The following GPBP1L1 variants were observed in gnomAD, a reference collection of about 807,000 sequenced individuals.
GPBP1L1 encodes the protein vasculin-like protein 1.
A neutral mutation model predicts 52.5 loss-of-function variants in GPBP1L1; 23 were observed. The observed-to-expected ratio is 0.44, with a 90% CI of 0.32 to 0.62. GPBP1L1 has a LOEUF of 0.62. GPBP1L1 is among the 20% of genes least tolerant of loss of function. GPBP1L1 has a pLI of 0.06. For synonymous variants in GPBP1L1, 243 were observed against 203.1 expected, an observed-to-expected ratio of 1.20 and a Z score of -1.67; for missense variants, 596 against 579.3, an observed-to-expected ratio of 1.03 and a Z score of -0.30.
intron 2 of GPBP1L1, among the ~76,000 whole-genome samples, chr1:45,661,980 T>C (rs905123898): frequency 1.3e-5 from 2 of 152,212 alleles, no homozygotes; most frequent in Admixed American, 6.5e-5. Flanking sequence ...GCTAGGATCC[T>C]TGAGATATCT....
intron 2 of GPBP1L1, among the ~76,000 whole-genome samples, chr1:45,665,892 C>G (rs1229577982): frequency 3.9e-5 from 6 of 151,968 alleles, no homozygotes; most frequent in African/African-American, 1.5e-4. Context: ...CTCTTTCCAC[C>G]ATCTGCCTCA....
chr1:45,654,955 C>G (rs1644866976), intron 5 of GPBP1L1, 126 bp from the exon 6 acceptor site: 1 of 1,076,920 alleles, frequency 9.3e-7, no homozygotes, highest in Non-Finnish European at 1.3e-6. Flanking sequence ...AAAAATGTAT[C>G]TTTTCTTTGT....
At chr1:45,671,171 A>G (rs1242823109) in intron 2 of GPBP1L1, among the ~76,000 whole-genome samples, 2 of 146,656 alleles carry the variant, frequency 1.4e-5, no homozygotes, top group Non-Finnish European at 3.0e-5. Context: ...CCCTCATAAT[A>G]TACCTATAAA....
At chr1:45,672,410 T>C (rs1180089493) in intron 2 of GPBP1L1, among the ~76,000 whole-genome samples, 1 of 152,168 alleles carries the variant, frequency 6.6e-6, no homozygotes. Flanking sequence ...TATTGCATTA[T>C]TTCCTTTAAA....
chr1:45,672,232 G>A (rs544438642), intron 2 of GPBP1L1, among the ~76,000 whole-genome samples: 1 of 151,656 alleles, frequency 6.6e-6, no homozygotes, highest in Non-Finnish European at 1.5e-5. Flanking sequence ...ATGGTGGCCA[G>A]GCGCTTGTAG....
intron 2 of GPBP1L1, among the ~76,000 whole-genome samples, chr1:45,683,054 T>A (rs1346421943): frequency 7.4e-6 from 1 of 134,646 alleles, no homozygotes; most frequent in Non-Finnish European, 1.6e-5. Flanking sequence ...GCCTTTCCCA[T>A]TAGTTTTTTT....
chr1:45,642,989 G>C (rs1644693345), intron 6 of GPBP1L1, among the ~76,000 whole-genome samples: 1 of 152,230 alleles, frequency 6.6e-6, no homozygotes, highest in Middle Eastern at 3.4e-3. Flanking sequence ...CTTCACACGG[G>C]TCACAGTTTT....
At position 45,660,342 on chromosome 1, in the gene GPBP1L1, A is replaced by T. The variant is rs923579183; in HGVS notation, c.-214T>A. On this transcript the variant is annotated 5_prime_UTR_variant, in exon 3 of 13. Coordinates refer to ENST00000355105, the MANE Select transcript of GPBP1L1 (RefSeq NM_021639.5). ...CAGGTTCTGTGTCGATCACTCTCTCAGTCCCCTCAACTGCTCATCTTAAAC... is the reference window on the plus strand; with the variant it reads ...CAGGTTCTGTGTCGATCACTCTCTCTGTCCCCTCAACTGCTCATCTTAAAC... 2.0e-6 allele frequency: 2 copies of T among 985,222 alleles called. No individual in the cohort carries two copies. The highest frequency in any genetic ancestry group is 2.4e-6 in the Non-Finnish European group (2 of 829,904). The allele number at this position is 985,222 out of a possible 1,614,324, so 61.0% of individuals were successfully genotyped here.
rs574458384 is a variant in GPBP1L1, at chr1:45,648,630, C to T, written c.477+5913G>A. Reference sequence around the variant, plus strand: ...TTGGTGGTTTGTCCCTATCCCTTTACGGGTATGTGGGGAAATATCATTTTG... The same window carrying T: ...TTGGTGGTTTGTCCCTATCCCTTTATGGGTATGTGGGGAAATATCATTTTG... On this transcript the variant is annotated intron_variant, in intron 6 of 12. Transcript: ENST00000355105. Among the ~76,000 whole-genome samples, 21 of 152,280 alleles carry T rather than the reference C, an allele frequency of 1.4e-4. No individual in the cohort carries two copies. The East Asian group carries it at 2.7e-3, about 20-fold the overall frequency.
intron 2 of GPBP1L1, among the ~76,000 whole-genome samples, chr1:45,683,680 T>C (rs1482893234): frequency 6.7e-6 from 1 of 148,416 alleles, no homozygotes; most frequent in African/African-American, 2.5e-5. Context: ...TTCGAGACCA[T>C]TGCTTGAGTC....
chr1:45,664,239 G>A (rs1354882700), intron 2 of GPBP1L1, among the ~76,000 whole-genome samples: 2 of 152,140 alleles, frequency 1.3e-5, no homozygotes, highest in Non-Finnish European at 2.9e-5. Flanking sequence ...AGAATGGCGG[G>A]AACCCGGGAG....
At chr1:45,673,119 G>C (rs1427596631) in intron 2 of GPBP1L1, among the ~76,000 whole-genome samples, 5 of 152,180 alleles carry the variant, frequency 3.3e-5, no homozygotes, top group African/African-American at 1.2e-4. Context: ...ATATCCTTCA[G>C]CAGTTCAGAG....
intron 8 of GPBP1L1, among the ~76,000 whole-genome samples, chr1:45,637,683 T>G (rs1420459661): frequency 6.6e-6 from 1 of 152,152 alleles, no homozygotes; most frequent in Non-Finnish European, 1.5e-5. Context: ...ATTTTCTTAC[T>G]CATTTTTATA....
intron 2 of GPBP1L1, among the ~76,000 whole-genome samples, chr1:45,681,872 TTC>T (rs1469423503): frequency 6.6e-6 from 1 of 152,212 alleles, no homozygotes; most frequent in Non-Finnish European, 1.5e-5. Flanking sequence ...ACTATGCCAT[TTC>T]TCTGTGTGCT....
intron 2 of GPBP1L1, among the ~76,000 whole-genome samples, chr1:45,679,020 AT>A (rs539942850): frequency 2.0e-3 from 306 of 152,340 alleles, no homozygotes; most frequent in Middle Eastern, 6.8e-3. Flanking sequence ...GCATATCTAT[AT>A]AGTCTAATAT....
At chr1:45,629,778 T>C in intron 11 of GPBP1L1, 100 bp from the exon 12 acceptor site, 3 of 764,804 alleles carry the variant, frequency 3.9e-6, no homozygotes, top group Non-Finnish European at 6.8e-6. Context: ...CCAGGGGCAA[T>C]GGATGTTAAA....
intron 6 of GPBP1L1, among the ~76,000 whole-genome samples, chr1:45,643,014 T>C (rs1441884496): frequency 6.6e-6 from 1 of 152,140 alleles, no homozygotes; most frequent in Admixed American, 6.5e-5. Flanking sequence ...TAAAAACTTC[T>C]AGACAAGTTA....
intron 10 of GPBP1L1, among the ~76,000 whole-genome samples, 172 bp downstream of exon 10, chr1:45,633,317 A>T (rs530275819): frequency 6.6e-6 from 1 of 152,330 alleles, no homozygotes; most frequent in African/African-American, 2.4e-5. Flanking sequence ...ATTTTTGCTG[A>T]AAAAAGGATT....
intron 4 of GPBP1L1, among the ~76,000 whole-genome samples, chr1:45,657,722 G>A (rs1269756970): frequency 6.6e-6 from 1 of 152,082 alleles, no homozygotes; most frequent in East Asian, 1.9e-4. Context: ...GCATGGTGGT[G>A]CTCACCTGTA....
Sources: allele counts gnomAD v4.1 joint callset (sites outside exome capture counted in the v4.1 genomes callset), GRCh38; gene constraint gnomAD v4.1.1; transcripts MANE v1.5; gene names NCBI Gene and HGNC (gene_info 2026-07-23, HGNC 2026-07-21).